The following PKHD1 variants were observed in gnomAD, a reference collection of about 807,000 sequenced individuals.
PKHD1 encodes fibrocystin.
PKHD1 carries 291 observed loss-of-function variants against 412.0 expected under a neutral mutation model. The observed-to-expected ratio is 0.71, with a 90% CI of 0.64 to 0.78. PKHD1 has a LOEUF of 0.78. Ranked by LOEUF, PKHD1 falls within the 30% of genes least tolerant of loss-of-function variation. The pLI, the probability that PKHD1 is intolerant of heterozygous loss-of-function variation, is 0.00. For missense variants in PKHD1, 4,825 were observed against 4,950.7 expected, an observed-to-expected ratio of 0.97 and a Z score of 0.76; for synonymous variants, 1,777 against 1,821.5, an observed-to-expected ratio of 0.98 and a Z score of 0.62.
intron 35 of PKHD1, among the ~76,000 whole-genome samples, chr6:51,989,518 G>A (rs1796613361): frequency 6.6e-6 from 1 of 152,178 alleles, no homozygotes; most frequent in Non-Finnish European, 1.5e-5. Flanking sequence ...AGGAAGACCA[G>A]AGAGTTATCA....
At chr6:52,008,787 G>A (rs1464765473) in intron 35 of PKHD1, among the ~76,000 whole-genome samples, 1 of 152,082 alleles carries the variant, frequency 6.6e-6, no homozygotes, top group South Asian at 2.1e-4. Flanking sequence ...GAAAACTGAA[G>A]TACAGAGGGT....
At chr6:51,945,141 G>C (rs1561951167) in intron 36 of PKHD1, among the ~76,000 whole-genome samples, 1 of 152,148 alleles carries the variant, frequency 6.6e-6, no homozygotes, top group African/African-American at 2.4e-5. Flanking sequence ...CAAATTTTAT[G>C]TTAACTAAAA....
chr6:52,000,401 G>C (rs1034134012), intron 35 of PKHD1, among the ~76,000 whole-genome samples: 3 of 151,782 alleles, frequency 2.0e-5, no homozygotes, highest in Admixed American at 6.6e-5. Context: ...ATTTGGAAAG[G>C]CTCAGAAAAA....
chr6:51,823,968 C>T (rs1766904264), intron 52 of PKHD1, among the ~76,000 whole-genome samples: 1 of 152,038 alleles, frequency 6.6e-6, no homozygotes, highest in Non-Finnish European at 1.5e-5. Context: ...AATAGTAGTC[C>T]CTTTAATAAA....
intron 53 of PKHD1, among the ~76,000 whole-genome samples, chr6:51,787,123 G>T (rs9474071): frequency 0.59 from 88,786 of 151,702 alleles, 26,714 homozygotes; most frequent in East Asian, 0.83. Flanking sequence ...CACTTTGGGA[G>T]GCCAAGGCAG....
At chr6:51,890,820 G>A (rs796875507) in intron 43 of PKHD1, among the ~76,000 whole-genome samples, 7 of 152,324 alleles carry the variant, frequency 4.6e-5, no homozygotes, top group African/African-American at 1.2e-4. Context: ...TAAGGAGGAT[G>A]AGGGTTCTGG....
chr6:51,792,288 A>C (rs895408127), intron 52 of PKHD1, among the ~76,000 whole-genome samples: 3 of 152,252 alleles, frequency 2.0e-5, no homozygotes, highest in Non-Finnish European at 4.4e-5. Context: ...TATAAATGAC[A>C]TCAAATAAAG....
At chr6:51,865,049 G>T (rs1361968776) in intron 48 of PKHD1, among the ~76,000 whole-genome samples, 1 of 152,098 alleles carries the variant, frequency 6.6e-6, no homozygotes, top group African/African-American at 2.4e-5. Flanking sequence ...TCTGATATGA[G>T]GTCCTGACTT....
At chr6:51,792,622 C>T (rs1472986514) in intron 52 of PKHD1, among the ~76,000 whole-genome samples, 1 of 152,156 alleles carries the variant, frequency 6.6e-6, no homozygotes, top group Admixed American at 6.5e-5. Context: ...GAGTTGTAGC[C>T]AATAAAATGT....
chr6:51,745,596 TGGGAGGCTGA>T (rs1393574050), intron 59 of PKHD1, among the ~76,000 whole-genome samples: 1 of 152,106 alleles, frequency 6.6e-6, no homozygotes, highest in African/African-American at 2.4e-5. Flanking sequence ...CCCAAAACTT[TGGGAGGCTGA>T]GGCGGGAGGA....
intron 60 of PKHD1, among the ~76,000 whole-genome samples, chr6:51,664,913 A>AATT (rs1472878780): frequency 6.6e-6 from 1 of 152,106 alleles, no homozygotes; most frequent in Non-Finnish European, 1.5e-5. Flanking sequence ...GAAAGTTAAT[A>AATT]ATTAGTATCT....
rs12525711 is a variant in PKHD1, at chr6:51,836,292, T to C, written c.8173+112A>G. The stretch of plus-strand genomic sequence containing the variant: ...ATAGAGAGTTATCAGACATATAAGC[T>C]TTAGGACTGATACCTGCCTGTTTAT... On this transcript the variant is annotated intron_variant, in intron 51 of 66. Coordinates refer to ENST00000371117, the MANE Select transcript of PKHD1 (RefSeq NM_138694.4). 0.055 allele frequency: 42,611 copies of C among 778,698 alleles called. 1,378 individuals are homozygous for C. The highest frequency in any genetic ancestry group is 0.086 in the East Asian group (3,355 of 39,238). The allele number at this position is 778,698 out of a possible 1,614,324, so 48.2% of individuals were successfully genotyped here.
chr6:51,638,721 AT>A (rs1768914810), intron 64 of PKHD1, 127 bp downstream of exon 64: 1 of 714,180 alleles, frequency 1.4e-6, no homozygotes, highest in Non-Finnish European at 2.5e-6. Context: ...AGTCAAGTGA[AT>A]TTATTTTCTA....
chr6:51,638,830 G>C lies in PKHD1; in HGVS notation c.11506+19C>G. ...AAAAAAAAAAAAACACAGAATAAAA[G>C]CACACTGTATAAAATTACCTGGAGG... is the stretch of plus-strand genomic sequence containing the variant. On this transcript the variant is annotated intron_variant, in intron 64 of 66. Coordinates refer to ENST00000371117, the MANE Select transcript of PKHD1 (RefSeq NM_138694.4). 4 of 1,151,310 alleles carry C rather than the reference G, an allele frequency of 3.5e-6. No homozygotes were observed. The highest frequency in any genetic ancestry group is 5.1e-6 in the Non-Finnish European group (4 of 787,752). The allele number at this position is 1,151,310 out of a possible 1,614,324, so 71.3% of individuals were successfully genotyped here.
chr6:51,833,230 G>T (rs556412045), intron 51 of PKHD1, among the ~76,000 whole-genome samples: 5 of 152,246 alleles, frequency 3.3e-5, no homozygotes, highest in South Asian at 2.1e-4. Flanking sequence ...TTATATCACA[G>T]ATGATGGAAA....
At position 52,065,011 on chromosome 6, in the gene PKHD1, A is replaced by G. The variant is rs1288017883; in HGVS notation, c.920T>C (p.Ile307Thr). The change falls in exon 13 of 67, where the codon ATT becomes ACT. Residue 307 changes from isoleucine to threonine, a missense_variant. By Grantham distance (89) the Ile-to-Thr change is moderately conservative. Transcript: ENST00000371117. ...CDIRHVSPRK[I>T]ECTTRAPGKD... is the part of the protein sequence containing the mutation. Reference sequence around the variant, plus strand: ...TCCTGGAGCCCGAGTGGTGCACTCAATCTTCCTGGGAGACACGTGTCTAAT... The same window carrying G: ...TCCTGGAGCCCGAGTGGTGCACTCAGTCTTCCTGGGAGACACGTGTCTAAT... 5 of 1,601,800 alleles carry G rather than the reference A, an allele frequency of 3.1e-6. No individual in the cohort carries two copies. Among genetic ancestry groups the G allele is most frequent in the East Asian group, 2.3e-5 (1 of 43,670 alleles).
chr6:52,011,123 C>T (rs917204514), intron 34 of PKHD1, among the ~76,000 whole-genome samples: 1 of 152,302 alleles, frequency 6.6e-6, no homozygotes. Flanking sequence ...ACCAGCCACT[C>T]GCTTTAAAAG....
At chr6:51,903,204 T>C (rs370307551) in intron 43 of PKHD1, among the ~76,000 whole-genome samples, 17 of 152,312 alleles carry the variant, frequency 1.1e-4, no homozygotes, top group East Asian at 5.8e-4. Flanking sequence ...AGTACTTGTT[T>C]AATGCAAAAT....
In PKHD1 at chr6:52,076,456, C is replaced by A. The variant is rs919606925; in HGVS notation, c.391-123G>T. ...TAAATGCTTATATTTACTCATGTCACCCTCACATCTGTCTAGTTCTTTTTA... is the reference window on the plus strand; with the variant it reads ...TAAATGCTTATATTTACTCATGTCAACCTCACATCTGTCTAGTTCTTTTTA... On this transcript the variant is annotated intron_variant, in intron 5 of 66. Coordinates refer to ENST00000371117, the MANE Select transcript of PKHD1 (RefSeq NM_138694.4). 73 of 737,874 alleles carry A rather than the reference C, an allele frequency of 9.9e-5. No homozygotes were observed. In the African/African-American group the frequency reaches 1.1e-3, roughly 12 times the overall value. The allele number at this position is 737,874 out of a possible 1,614,324, so 45.7% of individuals were successfully genotyped here.
Sources: allele counts gnomAD v4.1 joint callset (sites outside exome capture counted in the v4.1 genomes callset), GRCh38; gene constraint gnomAD v4.1.1; transcripts MANE v1.5; gene names NCBI Gene and HGNC (gene_info 2026-07-23, HGNC 2026-07-21).